The following SENP5 variants were observed in gnomAD, a reference collection of about 807,000 sequenced individuals.
SENP5 encodes the protein sentrin-specific protease 5.
In SENP5, 21 loss-of-function variants were observed where a neutral mutation model predicts 74.2. The ratio of observed to expected loss-of-function variants is 0.28; its 90% CI spans 0.20 to 0.41. SENP5 has a LOEUF of 0.41. Ranked by LOEUF, SENP5 falls within the 10% of genes least tolerant of loss-of-function variation. SENP5 has a pLI of 1.00. For synonymous variants in SENP5, 311 were observed against 312.7 expected (o/e 0.99, Z 0.06); for missense variants, 717 against 889.1 (o/e 0.81, Z 2.46).
chr3:196,897,731 G>C (rs999191949), intron 2 of SENP5, among the ~76,000 whole-genome samples: 2 of 152,198 alleles, frequency 1.3e-5, no homozygotes, highest in African/African-American at 2.4e-5. Context: ...CATTTTTCCT[G>C]TCTTAACTCA....
chr3:196,903,995 G>A (rs148181140), intron 6 of SENP5, among the ~76,000 whole-genome samples: 149 of 152,350 alleles, frequency 9.8e-4, no homozygotes, highest in African/African-American at 3.4e-3. Context: ...AGGCCAGCTT[G>A]GGCAACATAG....
chr3:196,926,476 C>T lies in SENP5; in HGVS notation c.2023-1320C>T, dbSNP rs1183657560. Among the ~76,000 whole-genome samples, 8 of 94,852 alleles carry T rather than the reference C, an allele frequency of 8.4e-5. No homozygotes were observed. The South Asian group carries it at 1.5e-3, about 18-fold the overall frequency. 62.2% of individuals were successfully genotyped at this position (94,852 alleles called of 152,430 possible). The stretch of plus-strand genomic sequence containing the variant: ...TAGCCTGGGTAACAGAGCAAGACTC[C>T]GTCTCAAAAAAAAAAAAAAAAGAAT... On this transcript the variant is annotated intron_variant, in intron 7 of 9. Coordinates refer to ENST00000323460, the MANE Select transcript of SENP5 (RefSeq NM_152699.5).
intron 6 of SENP5, chr3:196,914,573 A>AC (rs1452851822): frequency 2.9e-4 from 26 of 88,976 alleles, no homozygotes; most frequent in Admixed American, 5.2e-4. Context: ...TTAAAAAAAA[A>AC]AAAAAAAAAA....
intron 6 of SENP5, 95 bp from the exon 7 acceptor site, chr3:196,923,319 G>A (rs942557431): frequency 3.6e-6 from 5 of 1,403,014 alleles, no homozygotes; most frequent in Non-Finnish European, 4.8e-6. Flanking sequence ...TTTTGCCCTT[G>A]TGCAGGTCAA....
chr3:196,927,627 T>A (rs1019224395), intron 7 of SENP5, among the ~76,000 whole-genome samples, 169 bp from the exon 8 acceptor site: 2 of 137,226 alleles, frequency 1.5e-5, no homozygotes, highest in Non-Finnish European at 3.1e-5. Context: ...CAGAGCAAGA[T>A]CCTCTCTTTA....
intron 9 of SENP5, among the ~76,000 whole-genome samples, 164 bp downstream of exon 9, chr3:196,929,847 A>G (rs1171768717): frequency 6.6e-6 from 1 of 152,164 alleles, no homozygotes; most frequent in East Asian, 1.9e-4. Context: ...CTGCATGTTC[A>G]GATGTTATCA....
chr3:196,929,757 A>C, intron 9 of SENP5, 74 bp downstream of exon 9: 1 of 997,050 alleles, frequency 1.0e-6, no homozygotes, highest in Non-Finnish European at 1.6e-6. Flanking sequence ...GAGAGATGGC[A>C]GTTCCTGTAT....
Position 196,933,013 on chromosome 3 carries a change from G to GTTT in SENP5, c.*2094_*2096dup, listed in dbSNP as rs374827593. 100 of 112,162 alleles carry GTTT rather than the reference G, an allele frequency of 8.9e-4. 11 individuals carry two copies. The highest frequency in any genetic ancestry group is 1.3e-3 in the African/African-American group (37 of 28,180). The allele number at this position is 112,162 out of a possible 1,614,324, so 6.9% of individuals were successfully genotyped here. A position where few individuals can be genotyped will look rare whatever the true frequency, so the allele number is the denominator to read the frequency against. On this transcript the variant is annotated 3_prime_UTR_variant, in exon 10 of 10. Coordinates refer to ENST00000323460, the MANE Select transcript of SENP5 (RefSeq NM_152699.5). ...GGCTTAGACTAAATGTTGAGTTTGG[G>GTTT]TTTTTTGTTTTTTTTTTTTTTTGAG... is the stretch of plus-strand genomic sequence containing the variant.
At chr3:196,912,396 G>A (rs1487746882) in intron 6 of SENP5, among the ~76,000 whole-genome samples, 1 of 152,016 alleles carries the variant, frequency 6.6e-6, no homozygotes, top group East Asian at 1.9e-4. Context: ...ATAGGGAGGG[G>A]AACAACATAC....
chr3:196,916,307 A>C lies in SENP5; in HGVS notation c.1885-7107A>C, dbSNP rs370195012. Among the ~76,000 whole-genome samples the C allele has an allele frequency of 3.0e-4, 46 of 152,168 alleles. No homozygotes were observed. The East Asian group carries it at 5.4e-3, about 18-fold the overall frequency. On this transcript the variant is annotated intron_variant, in intron 6 of 9. Transcript: ENST00000323460. ...ATGCCATTGCACTCAAGCCTGGGTG[A>C]CAAGAATGAAACTGTCTCAAAAAAC...
At chr3:196,902,763 G>C (rs1714749444) in intron 5 of SENP5, among the ~76,000 whole-genome samples, 1 of 152,170 alleles carries the variant, frequency 6.6e-6, no homozygotes, top group Non-Finnish European at 1.5e-5. Context: ...CAAAGCCAAG[G>C]ACGCAGGACC....
chr3:196,930,360 G>A lies in SENP5; in HGVS notation c.2158-453G>A, dbSNP rs1037789637. ...CAGTTGCTGCTTTTCACAGTATTGGGTCAGGAGGGAGAGGAGATCCCAAGC... is the reference window on the plus strand; with the variant it reads ...CAGTTGCTGCTTTTCACAGTATTGGATCAGGAGGGAGAGGAGATCCCAAGC... On this transcript the variant is annotated intron_variant, in intron 9 of 9. Coordinates refer to ENST00000323460, the MANE Select transcript of SENP5 (RefSeq NM_152699.5). Among the ~76,000 whole-genome samples, 4 of 152,146 alleles carry A rather than the reference G, an allele frequency of 2.6e-5. No homozygotes were observed. In the South Asian group the frequency reaches 8.3e-4, roughly 32 times the overall value.
chr3:196,883,726 T>G (rs1293280321), intron 1 of SENP5, among the ~76,000 whole-genome samples: 1 of 151,984 alleles, frequency 6.6e-6, no homozygotes, highest in African/African-American at 2.4e-5. Flanking sequence ...TTCACTCTTG[T>G]CTCCCAGGCT....
intron 6 of SENP5, among the ~76,000 whole-genome samples, chr3:196,904,527 C>G (rs1030384273): frequency 1.3e-5 from 2 of 152,166 alleles, no homozygotes; most frequent in African/African-American, 2.4e-5. Flanking sequence ...GTGGCTCACG[C>G]CTGTAATCCC....
chr3:196,892,563 C>T (rs940343022), intron 2 of SENP5, among the ~76,000 whole-genome samples: 6 of 152,176 alleles, frequency 3.9e-5, no homozygotes, highest in African/African-American at 7.2e-5. Flanking sequence ...TCACTCACTT[C>T]GTCGTGAGAA....
Position 196,934,619 on chromosome 3 carries a change from AAG to A in SENP5, c.*3698_*3699del, listed in dbSNP as rs1444086676. 1 of 152,220 alleles carries A rather than the reference AAG, an allele frequency of 6.6e-6. No individual in the cohort carries two copies. The highest frequency in any genetic ancestry group is 1.5e-5 in the Non-Finnish European group (1 of 68,036). The allele number at this position is 152,220 out of a possible 1,614,324, so 9.4% of individuals were successfully genotyped here. ...TTAACTGGTACCTGTTGGTCAGAAA[AAG>A]AATTTATTTAGAGATTATGATCATG... On this transcript the variant is annotated 3_prime_UTR_variant, in exon 10 of 10. Coordinates refer to ENST00000323460, the MANE Select transcript of SENP5 (RefSeq NM_152699.5).
At chr3:196,895,222 TA>T (rs1560148102) in intron 2 of SENP5, among the ~76,000 whole-genome samples, 1 of 148,774 alleles carries the variant, frequency 6.7e-6, no homozygotes, top group African/African-American at 2.5e-5. Context: ...GACGGAGTCT[TA>T]CTCTGTCACC....
At chr3:196,918,091 C>T (rs896204471) in intron 6 of SENP5, among the ~76,000 whole-genome samples, 6 of 151,254 alleles carry the variant, frequency 4.0e-5, no homozygotes, top group African/African-American at 9.8e-5. Flanking sequence ...AGGTGGATCA[C>T]GAGGTCAGAT....
chr3:196,888,901 G>GGTCA (rs1006582059), intron 2 of SENP5, among the ~76,000 whole-genome samples: 31 of 152,082 alleles, frequency 2.0e-4, no homozygotes, highest in African/African-American at 7.5e-4. Context: ...CGGATCATGA[G>GGTCA]GTCAGGAGAT....
Sources: gnomAD v4.1 joint callset for allele counts (sites outside exome capture counted in the v4.1 genomes callset) on GRCh38, gnomAD v4.1.1 for gene constraint, MANE v1.5 for transcripts, NCBI Gene and HGNC (gene_info 2026-07-23, HGNC 2026-07-21) for gene names.